OMA1: variants seen among roughly 807,000 people sequenced by gnomAD.
OMA1 encodes OMA1 zinc metallopeptidase.
OMA1 carries 38 observed loss-of-function variants against 30.9 expected under a neutral mutation model. The observed-to-expected ratio is 1.23, with a 90% CI of 0.95 to 1.61. The LOEUF is 1.61. OMA1 is among the 40% of genes most tolerant of loss of function. The probability of loss-of-function intolerance (pLI) is 0.00; values close to 1 mark genes in which losing one functional copy is unlikely to be tolerated. For missense variants in OMA1, 461 were observed against 349.2 expected, an observed-to-expected ratio of 1.32 and a Z score of -2.55; for synonymous variants, 173 against 121.9, an observed-to-expected ratio of 1.42 and a Z score of -2.76.
chr1:58,546,567 G>C (rs1646710881), intron 1 of OMA1, 136 bp downstream of exon 1: 1 of 138,580 alleles, frequency 7.2e-6, no homozygotes, highest in African/African-American at 2.7e-5. Context: ...CCATCCCCAA[G>C]GATCCCCACT....
intron 7 of OMA1, among the ~76,000 whole-genome samples, chr1:58,508,328 T>C (rs1417860916): frequency 2.6e-5 from 4 of 152,040 alleles, no homozygotes; most frequent in East Asian, 1.9e-4. Flanking sequence ...AAGTAACAGG[T>C]TGACATCAGC....
In OMA1 at chr1:58,527,280, C is replaced by A. The variant is rs1381505242; in HGVS notation, c.1196G>T (p.Gly399Val). The change falls in exon 7 of 9, where the codon GGA (glycine) becomes GTA (valine). Residue 399 changes from glycine to valine, a missense_variant. Coordinates refer to ENST00000371226, the MANE Select transcript of OMA1 (RefSeq NM_145243.5). ...RKLEAEADKI[G>V]LLLAAKACAD... is the part of the protein sequence containing the mutation. ...CTTTACCTTTGCAGCAAGCAGTAGT[C>A]CAATTTTGTCAGCTTCGGCCTCCAA... 1.1e-6 allele frequency: 1 copy of A among 872,288 alleles called. No homozygotes were observed. The highest frequency in any genetic ancestry group is 1.7e-5 in the Admixed American group (1 of 59,172). The allele number at this position is 872,288 out of a possible 1,614,324, so 54.0% of individuals were successfully genotyped here.
chr1:58,493,090 T>A (rs1015936126), intron 8 of OMA1, among the ~76,000 whole-genome samples: 9 of 152,114 alleles, frequency 5.9e-5, no homozygotes, highest in Non-Finnish European at 1.3e-4. Context: ...GCTTCATCCC[T>A]GGGATGCAAG....
At chr1:58,512,906 TAAAAAA>T (rs1360270580) in intron 7 of OMA1, among the ~76,000 whole-genome samples, 2 of 152,084 alleles carry the variant, frequency 1.3e-5, no homozygotes, top group Non-Finnish European at 2.9e-5. Context: ...ATGTACTTAC[TAAAAAA>T]GAGAAAAAAA....
chr1:58,522,050 T>C (rs933812861), intron 7 of OMA1, among the ~76,000 whole-genome samples: 5 of 152,170 alleles, frequency 3.3e-5, no homozygotes, highest in Non-Finnish European at 7.3e-5. Context: ...TAAGGGATAA[T>C]TGACAAAATT....
In OMA1 at chr1:58,500,638, A is replaced by G. The variant is rs937108034; in HGVS notation, c.1365+5422T>C. 5.9e-5 allele frequency among the ~76,000 whole-genome samples: 9 copies of G among 152,288 alleles called. No homozygotes were observed. The South Asian group carries it at 1.9e-3, about 32-fold the overall frequency. On this transcript the variant is annotated intron_variant, in intron 8 of 8. Coordinates refer to ENST00000371226, the MANE Select transcript of OMA1 (RefSeq NM_145243.5). ...GAATAAAGCCAGTATTGAAAGCTCT[A>G]AAAACATTTAAAAATATATCCTATT... is the stretch of plus-strand genomic sequence containing the variant.
chr1:58,487,746 A>G (rs1645600460), intron 8 of OMA1, among the ~76,000 whole-genome samples: 1 of 152,118 alleles, frequency 6.6e-6, no homozygotes. Flanking sequence ...TTCTAGCTAT[A>G]ATTTCTACTC....
intron 6 of OMA1, among the ~76,000 whole-genome samples, chr1:58,529,039 T>A (rs1347351823): frequency 6.6e-6 from 1 of 152,144 alleles, no homozygotes; most frequent in Non-Finnish European, 1.5e-5. Flanking sequence ...ATAACCACAT[T>A]AATTCTTTTA....
At chr1:58,489,222 G>A (rs1490655961) in intron 8 of OMA1, among the ~76,000 whole-genome samples, 1 of 152,210 alleles carries the variant, frequency 6.6e-6, no homozygotes, top group Non-Finnish European at 1.5e-5. Context: ...ACGGCACCTG[G>A]AAAATTGGGT....
chr1:58,545,381 G>A (rs1043102352), intron 1 of OMA1, among the ~76,000 whole-genome samples: 1 of 152,078 alleles, frequency 6.6e-6, no homozygotes, highest in South Asian at 2.1e-4. Flanking sequence ...ACCAAGTGTC[G>A]TTTTGAATAG....
At position 58,480,725 on chromosome 1, in the gene OMA1, G is replaced by A. The variant is rs1645465446; in HGVS notation, c.*240C>T. The A allele has an allele frequency of 3.0e-6, 1 of 332,734 alleles. No individual in the cohort carries two copies. The highest frequency in any genetic ancestry group is 5.4e-6 in the Non-Finnish European group (1 of 185,490). The allele number at this position is 332,734 out of a possible 1,614,324, so 20.6% of individuals were successfully genotyped here. On this transcript the variant is annotated 3_prime_UTR_variant, in exon 9 of 9. Coordinates refer to ENST00000371226, the MANE Select transcript of OMA1 (RefSeq NM_145243.5). ...AAGCAAGTAGAAGACAGAGTAAAAT[G>A]TGTAATATAAATTTATTCTGTGACA...
chr1:58,505,965 G>A, intron 8 of OMA1, 95 bp downstream of exon 8: 1 of 691,696 alleles, frequency 1.4e-6, no homozygotes, highest in Non-Finnish European at 2.5e-6. Context: ...TAGTTAATAG[G>A]CTAGAACTCT....
intron 8 of OMA1, among the ~76,000 whole-genome samples, chr1:58,501,210 T>C (rs1645901717): frequency 6.6e-6 from 1 of 152,226 alleles, no homozygotes; most frequent in Non-Finnish European, 1.5e-5. Context: ...AGGCAATTTA[T>C]ACATGTTTTA....
At chr1:58,541,847 A>T (rs1296141861) in intron 1 of OMA1, among the ~76,000 whole-genome samples, 1 of 152,200 alleles carries the variant, frequency 6.6e-6, no homozygotes, top group African/African-American at 2.4e-5. Flanking sequence ...CACAAAGGAC[A>T]TAAAGTCAAT....
At chr1:58,513,025 T>A (rs907517533) in intron 7 of OMA1, among the ~76,000 whole-genome samples, 3 of 152,146 alleles carry the variant, frequency 2.0e-5, no homozygotes, top group African/African-American at 7.2e-5. Context: ...ACTAAGAACT[T>A]ATTAAGCAAC....
chr1:58,508,188 A>G (rs2100420957), intron 7 of OMA1, among the ~76,000 whole-genome samples: 1 of 152,320 alleles, frequency 6.6e-6, no homozygotes. Flanking sequence ...TGAGATATCT[A>G]CTTTAATGTT....
intron 1 of OMA1, among the ~76,000 whole-genome samples, chr1:58,544,703 C>T (rs961030246): frequency 6.6e-6 from 1 of 152,158 alleles, no homozygotes; most frequent in African/African-American, 2.4e-5. Context: ...AAGCAATTCT[C>T]GTGCCTCAGT....
At chr1:58,516,501 T>A (rs1270083508) in intron 7 of OMA1, among the ~76,000 whole-genome samples, 2 of 152,220 alleles carry the variant, frequency 1.3e-5, no homozygotes, top group Admixed American at 6.5e-5. Flanking sequence ...TGATTATTAA[T>A]TCTATATTAA....
intron 1 of OMA1, among the ~76,000 whole-genome samples, chr1:58,546,323 G>A (rs1234469808): frequency 2.0e-5 from 3 of 152,216 alleles, no homozygotes; most frequent in Non-Finnish European, 4.4e-5. Flanking sequence ...CCCCGCGGGT[G>A]AGAAACCCTG....
Sources: gnomAD v4.1 joint callset for allele counts (sites outside exome capture counted in the v4.1 genomes callset) on GRCh38, gnomAD v4.1.1 for gene constraint, MANE v1.5 for transcripts, NCBI Gene and HGNC (gene_info 2026-07-23, HGNC 2026-07-21) for gene names.